Variants in GPHN observed in about 807,000 individuals in gnomAD.
GPHN encodes gephyrin.
A neutral mutation model predicts 95.5 loss-of-function variants in GPHN; 17 were observed. The ratio of observed to expected loss-of-function variants is 0.18; its 90% CI spans 0.12 to 0.27. The LOEUF (loss-of-function observed/expected upper bound fraction) is 0.27, where lower values mean the gene tolerates loss of function less well. Ranked by LOEUF, GPHN falls within the 10% of genes least tolerant of loss-of-function variation. The pLI, the probability that GPHN is intolerant of heterozygous loss-of-function variation, is 1.00. For synonymous variants in GPHN, 320 were observed against 322.5 expected (o/e 0.99, Z 0.08); for missense variants, 660 against 978.1 (o/e 0.67, Z 4.34).
rs145040951 is a variant in GPHN at position 67,085,492 on chromosome 14, A to T, written c.1145-3491A>T. Among the ~76,000 whole-genome samples the T allele has an allele frequency of 1.1e-3, 162 of 152,310 alleles. 1 individual carries two copies. The highest frequency in any genetic ancestry group is 3.9e-3 in the African/African-American group (161 of 41,576). ...CAAGACACTGTGAGATCTATAATACAGCTGTCAGTATCAACTGTCTTTCAA... is the reference window on the plus strand; with the variant it reads ...CAAGACACTGTGAGATCTATAATACTGCTGTCAGTATCAACTGTCTTTCAA... On this transcript the variant is annotated intron_variant, in intron 11 of 22. Transcript: ENST00000478722.
the GPHN span, among the ~76,000 whole-genome samples, chr14:67,247,550 T>C: frequency 6.6e-6 from 1 of 152,184 alleles, no homozygotes; most frequent in Admixed American, 6.5e-5. Context: ...AGATGTCGAA[T>C]AGGAGAGATG....
the GPHN span, chr14:67,390,841 G>T: frequency 1.2e-6 from 1 of 866,248 alleles, no homozygotes; most frequent in Non-Finnish European, 2.0e-6. Flanking sequence ...CAACAAGCCA[G>T]CCCGCTCCAA....
intron 2 of GPHN, among the ~76,000 whole-genome samples, chr14:66,730,984 T>C (rs1405684853): frequency 2.0e-5 from 3 of 152,154 alleles, no homozygotes; most frequent in Non-Finnish European, 2.9e-5. Context: ...GTTCTCGTGA[T>C]AGTGAGTTCT....
chr14:66,508,291 A>C lies in GPHN; in HGVS notation c.-237A>C. 1.7e-6 allele frequency: 1 copy of C among 583,592 alleles called. No individual in the cohort carries two copies. Among genetic ancestry groups the C allele is most frequent in the East Asian group, 2.9e-5 (1 of 34,622 alleles). The allele number at this position is 583,592 out of a possible 1,614,324, so 36.2% of individuals were successfully genotyped here. ...CCCAAGCTTGCCTCCTTCTTGCCGG[A>C]CTTGGGGCCGCGCGCCCTGACTCCT... On this transcript the variant is annotated 5_prime_UTR_variant, in exon 1 of 23. Transcript: ENST00000478722.
intron 11 of GPHN, among the ~76,000 whole-genome samples, chr14:67,059,332 T>A (rs559904272): frequency 1.2e-4 from 19 of 152,294 alleles, no homozygotes; most frequent in African/African-American, 4.6e-4. Context: ...AAATTCAGCA[T>A]AGGAGTTGTA....
At chr14:66,925,759 A>G (rs967187354) in intron 8 of GPHN, among the ~76,000 whole-genome samples, 3 of 152,192 alleles carry the variant, frequency 2.0e-5, no homozygotes, top group Non-Finnish European at 4.4e-5. Context: ...TCTTTTGGAT[A>G]TACACCTAGT....
At chr14:67,438,564 AT>A in the GPHN span, among the ~76,000 whole-genome samples, 1 of 152,190 alleles carries the variant, frequency 6.6e-6, no homozygotes, top group Admixed American at 6.5e-5. Flanking sequence ...TCTGGTGAGT[AT>A]AAAGCAAGAT....
chr14:67,190,539 T>G, the GPHN span, among the ~76,000 whole-genome samples: 1 of 152,184 alleles, frequency 6.6e-6, no homozygotes, highest in Non-Finnish European at 1.5e-5. Context: ...GAAATTTTGA[T>G]TTTTCAGACT....
At chr14:67,718,004 C>A in the GPHN span, 1 of 152,110 alleles carries the variant, frequency 6.6e-6, no homozygotes, top group Non-Finnish European at 1.5e-5. Context: ...AATTCTTTTT[C>A]TTTGAGAAAG....
intron 2 of GPHN, among the ~76,000 whole-genome samples, chr14:66,741,245 A>G (rs1444130434): frequency 1.3e-5 from 2 of 152,202 alleles, no homozygotes; most frequent in African/African-American, 4.8e-5. Context: ...AATATGTGTA[A>G]GATCTAGCAA....
rs187468657 is a variant in GPHN, at chr14:66,626,949, A to G, written c.65-54158A>G. On this transcript the variant is annotated intron_variant, in intron 1 of 22. Coordinates refer to ENST00000478722, the MANE Select transcript of GPHN (RefSeq NM_020806.5). ...GTTTTGACTGCCAGAGATTTGCTTT[A>G]TAGAGATTTGCTTTATTGAGATTTG... Among the ~76,000 whole-genome samples the G allele has an allele frequency of 1.2e-4, 19 of 152,186 alleles. No homozygotes were observed. In the East Asian group the frequency reaches 3.3e-3, roughly 26 times the overall value.
the GPHN span, among the ~76,000 whole-genome samples, chr14:67,564,148 G>T: frequency 6.6e-6 from 1 of 151,686 alleles, no homozygotes; most frequent in Non-Finnish European, 1.5e-5. Flanking sequence ...TGATCCGCCC[G>T]CCTCAGCCTC....
At chr14:67,079,083 T>C (rs935487546) in intron 11 of GPHN, among the ~76,000 whole-genome samples, 1 of 152,000 alleles carries the variant, frequency 6.6e-6, no homozygotes, top group Non-Finnish European at 1.5e-5. Context: ...AATTTTATAT[T>C]AATAATATTA....
At chr14:66,880,630 G>T (rs765564631) in intron 5 of GPHN, among the ~76,000 whole-genome samples, 6 of 151,528 alleles carry the variant, frequency 4.0e-5, no homozygotes, top group Non-Finnish European at 8.8e-5. Context: ...ATGTTGATGT[G>T]TTGTTGTGAA....
chr14:67,107,912 T>A (rs757804938), intron 13 of GPHN, among the ~76,000 whole-genome samples: 2 of 152,136 alleles, frequency 1.3e-5, no homozygotes, highest in Non-Finnish European at 1.5e-5. Context: ...GCACTCTGTT[T>A]CCCTAGGACA....
the GPHN span, among the ~76,000 whole-genome samples, chr14:67,497,929 A>G: frequency 1.3e-5 from 2 of 152,166 alleles, no homozygotes; most frequent in East Asian, 3.9e-4. Flanking sequence ...GCAACCACAT[A>G]TTAGAATACA....
the GPHN span, chr14:67,380,605 A>AAGTG: frequency 2.0e-6 from 2 of 1,005,794 alleles, no homozygotes; most frequent in Non-Finnish European, 2.9e-6. Flanking sequence ...TTGGTTTCAC[A>AAGTG]TTTATCAGTA....
chr14:66,798,702 C>CT (rs1364060564), intron 3 of GPHN, among the ~76,000 whole-genome samples: 1 of 151,580 alleles, frequency 6.6e-6, no homozygotes, highest in Non-Finnish European at 1.5e-5. Context: ...TTCCCTCTCT[C>CT]TTTTTTTCTA....
the GPHN span, chr14:67,600,013 C>T: frequency 1.9e-6 from 3 of 1,549,714 alleles, no homozygotes; most frequent in Non-Finnish European, 2.6e-6. Flanking sequence ...GAGGGGCCGA[C>T]TTGCCATTAC....
Sources: allele counts gnomAD v4.1 joint callset (sites outside exome capture counted in the v4.1 genomes callset), GRCh38; gene constraint gnomAD v4.1.1; transcripts MANE v1.5; gene names NCBI Gene and HGNC (gene_info 2026-07-23, HGNC 2026-07-21).